GPC6: variants seen among roughly 807,000 people sequenced by gnomAD.
The protein encoded by GPC6 is glypican-6.
GPC6 carries 14 observed loss-of-function variants against 55.2 expected under a neutral mutation model. That is an observed-to-expected ratio of 0.25 (90% CI 0.17 to 0.40). The LOEUF (loss-of-function observed/expected upper bound fraction) is 0.40. Ranked by LOEUF, GPC6 falls within the 10% of genes least tolerant of loss-of-function variation. The pLI is 1.00. For missense variants in GPC6, 641 were observed against 708.5 expected (o/e 0.90, Z 1.08); for synonymous variants, 278 against 259.6 (o/e 1.07, Z -0.68).
At chr13:93,379,775 A>T (rs1566326554) in intron 1 of GPC6, among the ~76,000 whole-genome samples, 1 of 152,168 alleles carries the variant, frequency 6.6e-6, no homozygotes, top group Non-Finnish European at 1.5e-5. Flanking sequence ...CAGTGGGAAA[A>T]TAAATATATG....
intron 3 of GPC6, among the ~76,000 whole-genome samples, chr13:93,879,341 G>T (rs1236909303): frequency 1.3e-5 from 2 of 152,156 alleles, no homozygotes; most frequent in Non-Finnish European, 2.9e-5. Context: ...AACCAAAACA[G>T]CATGGTACTG....
chr13:94,172,117 G>A (rs112031183), intron 4 of GPC6, among the ~76,000 whole-genome samples: 3 of 152,106 alleles, frequency 2.0e-5, no homozygotes, highest in Admixed American at 6.6e-5. Context: ...AGGCACAGGG[G>A]CAATGATTAA....
At chr13:94,095,933 A>G (rs574831632) in intron 4 of GPC6, among the ~76,000 whole-genome samples, 1 of 152,322 alleles carries the variant, frequency 6.6e-6, no homozygotes, top group South Asian at 2.1e-4. Flanking sequence ...AGAAGTAGAA[A>G]ACAGAGGAGG....
intron 2 of GPC6, among the ~76,000 whole-genome samples, chr13:93,795,866 AG>A (rs768166962): frequency 4.6e-5 from 7 of 152,110 alleles, no homozygotes; most frequent in Non-Finnish European, 1.0e-4. Flanking sequence ...TATTTTGAAA[AG>A]TTAGGAATTT....
chr13:94,269,576 A>C (rs1891927758), intron 4 of GPC6, among the ~76,000 whole-genome samples: 1 of 152,054 alleles, frequency 6.6e-6, no homozygotes, highest in Non-Finnish European at 1.5e-5. Context: ...CATTGTCCCA[A>C]CCCACACAGC....
intron 1 of GPC6, among the ~76,000 whole-genome samples, chr13:93,273,444 G>A (rs1594065859): frequency 6.6e-6 from 1 of 152,124 alleles, no homozygotes; most frequent in South Asian, 2.1e-4. Flanking sequence ...GGATCACAAG[G>A]TCAGGAGATC....
intron 4 of GPC6, among the ~76,000 whole-genome samples, chr13:94,140,441 T>G (rs572360811): frequency 9.4e-4 from 143 of 152,280 alleles, no homozygotes; most frequent in African/African-American, 3.2e-3. Context: ...AAATTGTTAG[T>G]GAAAGAAAAA....
At chr13:93,693,502 T>TGTGTGTGTGTGTG in intron 2 of GPC6, among the ~76,000 whole-genome samples, 2 of 140,768 alleles carry the variant, frequency 1.4e-5, no homozygotes, top group South Asian at 2.3e-4. Context: ...TGTGTGTGTG[T>TGTGTGTGTGTGTG]AGGGAGACAG....
chr13:93,821,691 CT>C (rs1157249915), intron 2 of GPC6, among the ~76,000 whole-genome samples: 2 of 152,182 alleles, frequency 1.3e-5, no homozygotes, highest in Non-Finnish European at 2.9e-5. Context: ...ACAGTCACAT[CT>C]CACAGTAGAT....
At chr13:93,980,895 C>A (rs921990821) in intron 3 of GPC6, among the ~76,000 whole-genome samples, 1 of 152,144 alleles carries the variant, frequency 6.6e-6, no homozygotes, top group Admixed American at 6.5e-5. Context: ...TTACAGATTT[C>A]TCCTAAGAGC....
intron 4 of GPC6, among the ~76,000 whole-genome samples, chr13:94,115,437 T>A (rs1033771475): frequency 1.3e-4 from 20 of 152,056 alleles, no homozygotes; most frequent in African/African-American, 4.6e-4. Flanking sequence ...GGGAAATAAA[T>A]CTCTTCAAAC....
intron 2 of GPC6, among the ~76,000 whole-genome samples, chr13:93,715,717 A>G (rs1186799899): frequency 2.0e-5 from 3 of 151,726 alleles, no homozygotes; most frequent in Admixed American, 1.3e-4. Context: ...CATTTTACTT[A>G]AATTCTGTAT....
chr13:94,089,954 C>T (rs1409501930), intron 4 of GPC6, among the ~76,000 whole-genome samples: 4 of 151,974 alleles, frequency 2.6e-5, no homozygotes, highest in Non-Finnish European at 5.9e-5. Flanking sequence ...ACCATATAGC[C>T]AAAACTAAGT....
intron 4 of GPC6, among the ~76,000 whole-genome samples, chr13:94,214,831 T>C (rs1890180475): frequency 6.6e-6 from 1 of 152,232 alleles, no homozygotes; most frequent in Admixed American, 6.5e-5. Context: ...TGCCCTTTGG[T>C]AGTCTGTTCT....
At chr13:93,908,858 C>T (rs1876811825) in intron 3 of GPC6, among the ~76,000 whole-genome samples, 1 of 152,180 alleles carries the variant, frequency 6.6e-6, no homozygotes, top group South Asian at 2.1e-4. Context: ...CACTAGCTGG[C>T]TGATTCCATC....
Position 93,299,283 on chromosome 13 carries a change from A to G in GPC6, c.160+71667A>G, listed in dbSNP as rs75402109. 1.1e-4 allele frequency among the ~76,000 whole-genome samples: 16 copies of G among 152,298 alleles called. No homozygotes were observed. In the East Asian group the frequency reaches 2.9e-3, roughly 28 times the overall value. The stretch of plus-strand genomic sequence containing the variant: ...CCATAAAGATTCAATCAATACAACC[A>G]CTTTTAATACAAACTACTGTTTTGA... On this transcript the variant is annotated intron_variant, in intron 1 of 8. Transcript: ENST00000377047.
chr13:94,158,893 T>A (rs1427290951), intron 4 of GPC6, among the ~76,000 whole-genome samples: 2 of 152,094 alleles, frequency 1.3e-5, no homozygotes, highest in Non-Finnish European at 2.9e-5. Context: ...TTAATACTCA[T>A]CTTTAAGATG....
intron 3 of GPC6, among the ~76,000 whole-genome samples, chr13:93,917,303 A>G (rs1219005709): frequency 6.6e-6 from 1 of 152,210 alleles, no homozygotes; most frequent in African/African-American, 2.4e-5. Flanking sequence ...CAGAAATTGA[A>G]AAGAAAAAAG....
At chr13:93,238,802 G>A (rs182746359) in intron 1 of GPC6, among the ~76,000 whole-genome samples, 3 of 152,086 alleles carry the variant, frequency 2.0e-5, no homozygotes, top group African/African-American at 7.2e-5. Flanking sequence ...ATCATGAAGT[G>A]ATGCTGAATT....
Sources: gnomAD v4.1 joint callset for allele counts (sites outside exome capture counted in the v4.1 genomes callset) on GRCh38, gnomAD v4.1.1 for gene constraint, MANE v1.5 for transcripts, NCBI Gene and HGNC (gene_info 2026-07-23, HGNC 2026-07-21) for gene names.